LGMN: variants seen among roughly 807,000 people sequenced by gnomAD.
The protein encoded by LGMN is asparaginyl endopeptidase.
Under a neutral mutation model 56.8 loss-of-function variants are expected in LGMN, and 36 were observed. The observed-to-expected ratio is 0.63, with a 90% CI of 0.49 to 0.84. LGMN has a LOEUF of 0.84. Ranked by LOEUF, LGMN falls within the 40% of genes least tolerant of loss-of-function variation. LGMN has a pLI of 0.00. For missense variants in LGMN, 446 were observed against 556.1 expected, an observed-to-expected ratio of 0.80 and a Z score of 1.99; for synonymous variants, 199 against 210.1, an observed-to-expected ratio of 0.95 and a Z score of 0.46.
chr14:92,715,653 G>C (rs1326213686), intron 5 of LGMN: 2 of 152,732 alleles, frequency 1.3e-5, no homozygotes, highest in African/African-American at 4.8e-5. Context: ...CTAGCCCACA[G>C]CCAGTGGGGG....
chr14:92,713,898 A>AAT lies in LGMN; in HGVS notation c.481-15_481-14dup, dbSNP rs748499349. 1.9e-6 allele frequency: 3 copies of AAT among 1,600,158 alleles called. No homozygotes were observed. Among genetic ancestry groups the AAT allele is most frequent in the Non-Finnish European group, 2.6e-6 (3 of 1,167,214 alleles). On this transcript the variant is annotated splice_polypyrimidine_tract_variant and intron_variant, in intron 6 of 13. Coordinates refer to ENST00000334869, the MANE Select transcript of LGMN (RefSeq NM_005606.7). ...CCTTTACATGAAGCTGAAAGGTGAG[A>AAT]ATATTGTCAGACCAACACATCAAGA...
intron 1 of LGMN, among the ~76,000 whole-genome samples, chr14:92,747,108 G>A (rs1250574396): frequency 4.0e-5 from 6 of 151,206 alleles, no homozygotes; most frequent in Non-Finnish European, 8.8e-5. Flanking sequence ...CGACTCCAGT[G>A]CAAAAAGCAT....
intron 2 of LGMN, among the ~76,000 whole-genome samples, chr14:92,719,344 GCCA>G (rs1252042295): frequency 1.6e-4 from 12 of 74,486 alleles, no homozygotes; most frequent in Middle Eastern, 9.1e-3. Flanking sequence ...CGCCATCACC[GCCA>G]CCACCACCAA....
At chr14:92,738,098 C>A (rs566024006) in intron 1 of LGMN, among the ~76,000 whole-genome samples, 1 of 152,256 alleles carries the variant, frequency 6.6e-6, no homozygotes, top group African/African-American at 2.4e-5. Flanking sequence ...CAGAAACAAA[C>A]GGTTGACCTG....
At chr14:92,732,999 C>T (rs1388576515) in intron 1 of LGMN, among the ~76,000 whole-genome samples, 184 bp from the exon 2 acceptor site, 2 of 151,878 alleles carry the variant, frequency 1.3e-5, no homozygotes, top group African/African-American at 4.8e-5. Flanking sequence ...AAATACAAAA[C>T]TTAGCTAGGC....
chr14:92,714,315 C>A lies in LGMN; in HGVS notation c.480+61G>T. On this transcript the variant is annotated intron_variant, in intron 6 of 13. Transcript: ENST00000334869. The surrounding 1 kb of genome is among the most constrained non-coding windows in gnomAD (Gnocchi z 5.1). ...AAAATACACGCTATGGGTTTAATCT[C>A]GACACCTAGGCTTGCTTTTCTGTTC... is the stretch of plus-strand genomic sequence containing the variant. 2 of 1,192,734 alleles carry A rather than the reference C, an allele frequency of 1.7e-6. No individual in the cohort carries two copies. The highest frequency in any genetic ancestry group is 1.2e-6 in the Non-Finnish European group (1 of 803,094). 73.9% of individuals were successfully genotyped at this position (1,192,734 alleles called of 1,614,324 possible). A position where few individuals can be genotyped will look rare whatever the true frequency, so the allele number is the denominator to read the frequency against.
intron 13 of LGMN, 121 bp from the exon 14 acceptor site, chr14:92,704,482 A>C: frequency 1.9e-6 from 2 of 1,054,178 alleles, no homozygotes; most frequent in Non-Finnish European, 1.5e-6. Context: ...GCTGTCACTG[A>C]GAACGTGGCT....
intron 2 of LGMN, among the ~76,000 whole-genome samples, chr14:92,725,098 A>T (rs1890678201): frequency 6.6e-6 from 1 of 152,210 alleles, no homozygotes; most frequent in African/African-American, 2.4e-5. Context: ...GTCTGAGCAA[A>T]TCCAGAGCCA....
intron 2 of LGMN, among the ~76,000 whole-genome samples, chr14:92,723,739 C>CT (rs35574676): frequency 1.4e-4 from 21 of 150,030 alleles, no homozygotes; most frequent in East Asian, 5.9e-4. Context: ...GCCCAAACAA[C>CT]TTTTTTTTTT....
At position 92,703,984 on chromosome 14, in the gene LGMN, A is replaced by G. The variant is rs1803451; in HGVS notation, c.*335T>C. 1 of 623,420 alleles carries G rather than the reference A, an allele frequency of 1.6e-6. No individual in the cohort carries two copies. Among genetic ancestry groups the G allele is most frequent in the Non-Finnish European group, 2.8e-6 (1 of 352,962 alleles). The allele number at this position is 623,420 out of a possible 1,614,324, so 38.6% of individuals were successfully genotyped here. Reference sequence around the variant, plus strand: ...GAGGTTTCAGCTTCAAATTCTCAGAATAAAGACTCCTTTTGAGAGGGGCTA... The same window carrying G: ...GAGGTTTCAGCTTCAAATTCTCAGAGTAAAGACTCCTTTTGAGAGGGGCTA... On this transcript the variant is annotated 3_prime_UTR_variant, in exon 14 of 14. Transcript: ENST00000334869.
intron 11 of LGMN, among the ~76,000 whole-genome samples, chr14:92,709,172 A>AT (rs879728504): frequency 3.4e-4 from 50 of 144,978 alleles, no homozygotes; most frequent in African/African-American, 5.6e-4. Context: ...TGTGGATTGG[A>AT]TTTTTTTTTT....
intron 1 of LGMN, among the ~76,000 whole-genome samples, chr14:92,733,148 C>CA (rs11343138): frequency 9.3e-4 from 96 of 103,606 alleles, no homozygotes; most frequent in East Asian, 2.5e-3. Flanking sequence ...ACTCTGTCTC[C>CA]AAAAAAAAAA....
chr14:92,745,981 C>A (rs1184304693), intron 1 of LGMN, among the ~76,000 whole-genome samples: 2 of 152,256 alleles, frequency 1.3e-5, no homozygotes, highest in South Asian at 4.1e-4. Context: ...GCCACCACAC[C>A]TAGCTAATTT....
chr14:92,709,043 C>T (rs1889598461), intron 11 of LGMN, among the ~76,000 whole-genome samples: 1 of 152,112 alleles, frequency 6.6e-6, no homozygotes, highest in Non-Finnish European at 1.5e-5. Flanking sequence ...GCAATTCTGC[C>T]AGCTCCAAAC....
chr14:92,737,969 C>G (rs1324664151), intron 1 of LGMN, among the ~76,000 whole-genome samples: 3 of 152,204 alleles, frequency 2.0e-5, no homozygotes, highest in Non-Finnish European at 4.4e-5. Context: ...AGTTTGCACA[C>G]CTGTTTATTC....
At chr14:92,738,317 T>C (rs1008872749) in intron 1 of LGMN, among the ~76,000 whole-genome samples, 4 of 151,718 alleles carry the variant, frequency 2.6e-5, no homozygotes, top group Middle Eastern at 3.2e-3. Flanking sequence ...CTTGCTCGGT[T>C]GCCCAGGCTG....
At position 92,742,242 on chromosome 14, in the gene LGMN, C is replaced by T. The variant is rs187851843; in HGVS notation, c.-30+6247G>A. Among the ~76,000 whole-genome samples the T allele has an allele frequency of 4.0e-5, 6 of 151,370 alleles. No individual in the cohort carries two copies. In the East Asian group the frequency reaches 1.2e-3, roughly 29 times the overall value. On this transcript the variant is annotated intron_variant, in intron 1 of 13. Coordinates refer to ENST00000334869, the MANE Select transcript of LGMN (RefSeq NM_005606.7). ...AGCTCCATTCCATACTGAAGTCTCT[C>T]TCTCCTATTGCAGTAGCTAAAAGAA...
intron 12 of LGMN, among the ~76,000 whole-genome samples, chr14:92,705,965 A>C (rs1462969154): frequency 6.6e-6 from 1 of 152,140 alleles, no homozygotes; most frequent in Non-Finnish European, 1.5e-5. Flanking sequence ...GTTATGGGGG[A>C]GAAACAGACC....
intron 2 of LGMN, among the ~76,000 whole-genome samples, chr14:92,722,648 C>T (rs1210280641): frequency 6.6e-6 from 1 of 151,920 alleles, no homozygotes; most frequent in Non-Finnish European, 1.5e-5. Context: ...TTAGTGCTTC[C>T]AAAGACATTA....
Sources: gnomAD v4.1 joint callset for allele counts (sites outside exome capture counted in the v4.1 genomes callset) on GRCh38, gnomAD v4.1.1 for gene constraint, Gnocchi (gnomAD v3.1) non-coding constraint, MANE v1.5 for transcripts, NCBI Gene and HGNC (gene_info 2026-07-23, HGNC 2026-07-21) for gene names.